Variants in CUX1 observed in about 807,000 individuals in gnomAD.
CUX1 encodes the protein protein CASP.
A neutral mutation model predicts 158.8 loss-of-function variants in CUX1; 31 were observed. The ratio of observed to expected loss-of-function variants is 0.20; its 90% confidence interval spans 0.15 to 0.26. The LOEUF (loss-of-function observed/expected upper bound fraction) is 0.26. Among genes scored for constraint, CUX1 ranks in the 10% least tolerant of loss-of-function variants. The pLI is 1.00. For missense variants in CUX1, 1,589 were observed against 2,014.6 expected (o/e 0.79, Z 4.04); for synonymous variants, 879 against 862.1 (o/e 1.02, Z -0.34).
chr7:102,116,574 G>GT (rs1432028668), intron 8 of CUX1, among the ~76,000 whole-genome samples: 1 of 152,156 alleles, frequency 6.6e-6, no homozygotes, highest in African/African-American at 2.4e-5. Flanking sequence ...GAACCCAGGA[G>GT]TTGAGGCTGC....
Position 102,254,874 on chromosome 7 carries a change from C to T in CUX1, c.*5832C>T, listed in dbSNP as rs748996086. ...CAATTTGATGATCTTATTTCTATTT[C>T]GATCAGGTTTTGACTTTTTGTAGAT... On this transcript the variant is annotated 3_prime_UTR_variant, in exon 24 of 24. Coordinates refer to ENST00000292535, the MANE Select transcript of CUX1 (RefSeq NM_181552.4). 4.0e-4 allele frequency: 394 copies of T among 985,404 alleles called. No individual in the cohort carries two copies. Among genetic ancestry groups the T allele is most frequent in the Middle Eastern group, 5.2e-4 (1 of 1,914 alleles). The allele number at this position is 985,404 out of a possible 1,614,324, so 61.0% of individuals were successfully genotyped here. A position where few individuals can be genotyped will look rare whatever the true frequency, so the allele number is the denominator to read the frequency against.
intron 23 of CUX1, among the ~76,000 whole-genome samples, chr7:102,243,799 G>A (rs919656174): frequency 2.0e-5 from 3 of 151,748 alleles, no homozygotes; most frequent in Admixed American, 2.0e-4. Context: ...AGGCCAAGGC[G>A]GGCAGATCAT....
In CUX1 at chr7:102,197,316, G is replaced by A; in HGVS notation, c.1894+11G>A. On this transcript the variant is annotated intron_variant, in intron 15 of 23. Coordinates refer to ENST00000292535, the MANE Select transcript of CUX1 (RefSeq NM_181552.4). ...AAGGCAGACAAAGAGGTGAGAGACT[G>A]GCGTTGGGTGGCGCCAGCGTGCGAG... The A allele has an allele frequency of 6.2e-7, 1 of 1,606,090 alleles. No homozygotes were observed. The highest frequency in any genetic ancestry group is 8.5e-7 in the Non-Finnish European group (1 of 1,173,666).
intron 3 of CUX1, among the ~76,000 whole-genome samples, chr7:102,040,960 A>G (rs1336492686): frequency 6.6e-6 from 1 of 152,170 alleles, no homozygotes; most frequent in Non-Finnish European, 1.5e-5. Flanking sequence ...CAGAACCGAA[A>G]AGGACATTCT....
intron 20 of CUX1, among the ~76,000 whole-genome samples, chr7:102,214,697 G>A (rs578040397): frequency 6.6e-6 from 1 of 152,212 alleles, no homozygotes; most frequent in Non-Finnish European, 1.5e-5. Flanking sequence ...AGCCCCATGC[G>A]GACTGGCCCG....
chr7:101,899,365 A>G (rs915145620), intron 1 of CUX1, among the ~76,000 whole-genome samples: 1 of 152,176 alleles, frequency 6.6e-6, no homozygotes, highest in Non-Finnish European at 1.5e-5. Flanking sequence ...CCTGGTCAAC[A>G]TGGCAAAACC....
chr7:102,244,241 CAG>C (rs1343969407), intron 23 of CUX1, among the ~76,000 whole-genome samples: 18 of 152,004 alleles, frequency 1.2e-4, no homozygotes, highest in South Asian at 8.3e-4. Context: ...GTTCTTTTCT[CAG>C]GGGTTAAACA....
chr7:102,276,060 G>T (rs1163002039), intron 17 of CUX1, among the ~76,000 whole-genome samples: 2 of 149,364 alleles, frequency 1.3e-5, no homozygotes, highest in Admixed American at 1.3e-4. Context: ...ATATTTTATT[G>T]TGCATATAGA....
In CUX1 at chr7:101,861,014, C is replaced by T. The variant is rs187447489; in HGVS notation, c.30+43345C>T. ...AGAGACAGGCTAGTCTTGAACTGGC[C>T]TCAAGCGATCCTCTTGCCTCAGGCC... On this transcript the variant is annotated intron_variant, in intron 1 of 23. Transcript: ENST00000292535. 5.3e-5 allele frequency among the ~76,000 whole-genome samples: 8 copies of T among 152,194 alleles called. No homozygotes were observed. The East Asian group carries it at 1.4e-3, about 26-fold the overall frequency.
At chr7:102,011,149 A>G (rs569930287) in intron 2 of CUX1, among the ~76,000 whole-genome samples, 1 of 152,182 alleles carries the variant, frequency 6.6e-6, no homozygotes, top group Non-Finnish European at 1.5e-5. Context: ...TTATATTGTT[A>G]TTGACGGTCT....
At chr7:101,843,865 T>A (rs1216206602) in intron 1 of CUX1, among the ~76,000 whole-genome samples, 1 of 152,202 alleles carries the variant, frequency 6.6e-6, no homozygotes, top group Admixed American at 6.5e-5. Context: ...TGAACAAATG[T>A]GAACCTTTTG....
chr7:101,876,865 C>T (rs1461311505), intron 1 of CUX1, among the ~76,000 whole-genome samples: 1 of 152,098 alleles, frequency 6.6e-6, no homozygotes, highest in Non-Finnish European at 1.5e-5. Flanking sequence ...CTGCCTGCCT[C>T]GGCCTCCCAA....
chr7:101,943,353 C>T (rs546043289), intron 2 of CUX1, among the ~76,000 whole-genome samples: 25 of 152,014 alleles, frequency 1.6e-4, no homozygotes, highest in African/African-American at 5.8e-4. Context: ...GTGATCCACC[C>T]GCCGTGGCCT....
chr7:102,010,283 T>A (rs1817843662), intron 2 of CUX1, among the ~76,000 whole-genome samples: 1 of 151,020 alleles, frequency 6.6e-6, no homozygotes, highest in South Asian at 2.1e-4. Context: ...TAGCCCCAGC[T>A]ACTCAGGAGG....
At chr7:102,172,874 C>CA (rs2131712377) in intron 10 of CUX1, among the ~76,000 whole-genome samples, 1 of 152,262 alleles carries the variant, frequency 6.6e-6, no homozygotes, top group East Asian at 1.9e-4. Context: ...CCGGCCAGGG[C>CA]AAAATATCGA....
chr7:101,839,495 C>T (rs1386647628), intron 1 of CUX1, among the ~76,000 whole-genome samples: 1 of 152,202 alleles, frequency 6.6e-6, no homozygotes, highest in Non-Finnish European at 1.5e-5. Flanking sequence ...CCCACAATCT[C>T]ATCCGTGCTT....
chr7:102,060,116 A>T (rs1824621583), intron 3 of CUX1, among the ~76,000 whole-genome samples: 1 of 100,706 alleles, frequency 9.9e-6, no homozygotes, highest in Admixed American at 1.2e-4. Flanking sequence ...TTTACTAAAA[A>T]AATACAAAAA....
At chr7:102,240,960 A>G (rs1800140332) in intron 23 of CUX1, among the ~76,000 whole-genome samples, 1 of 152,088 alleles carries the variant, frequency 6.6e-6, no homozygotes, top group African/African-American at 2.4e-5. Flanking sequence ...GGCTGAGACT[A>G]CAGGTGTGCA....
intron 1 of CUX1, among the ~76,000 whole-genome samples, chr7:101,834,176 T>C (rs1304360693): frequency 2.2e-5 from 3 of 137,834 alleles, no homozygotes; most frequent in Non-Finnish European, 4.7e-5. Flanking sequence ...TTTTTTTTTT[T>C]TTTTTTTTTT....
Sources: allele counts gnomAD v4.1 joint callset (sites outside exome capture counted in the v4.1 genomes callset), GRCh38; gene constraint gnomAD v4.1.1; transcripts MANE v1.5; gene names NCBI Gene and HGNC (gene_info 2026-07-23, HGNC 2026-07-21).